The following GRIA1 variants were observed in gnomAD, a reference collection of about 807,000 sequenced individuals.
GRIA1 encodes glutamate receptor 1.
Under a neutral mutation model 99.2 loss-of-function variants are expected in GRIA1, and 31 were observed. The observed-to-expected ratio is 0.31, with a 90% CI of 0.23 to 0.42. The LOEUF (loss-of-function observed/expected upper bound fraction) is 0.42, where lower values mean the gene tolerates loss of function less well. Ranked by LOEUF, GRIA1 falls within the 10% of genes least tolerant of loss-of-function variation. The pLI, the probability that GRIA1 is intolerant of heterozygous loss-of-function variation, is 1.00. For missense variants in GRIA1, 782 were observed against 1,157.5 expected, an observed-to-expected ratio of 0.68 and a Z score of 4.71; for synonymous variants, 438 against 432.4, an observed-to-expected ratio of 1.01 and a Z score of -0.16.
intron 10 of GRIA1, among the ~76,000 whole-genome samples, chr5:153,703,148 G>T (rs1288687723): frequency 2.0e-5 from 3 of 152,130 alleles, no homozygotes; most frequent in African/African-American, 7.2e-5. Flanking sequence ...CTAGATATGA[G>T]TTTCTTATCT....
chr5:153,806,510 TG>T (rs1315480236), intron 15 of GRIA1, among the ~76,000 whole-genome samples: 1 of 152,194 alleles, frequency 6.6e-6, no homozygotes, highest in Non-Finnish European at 1.5e-5. Flanking sequence ...CGTGATCCAC[TG>T]CCTTGACTTC....
intron 2 of GRIA1, among the ~76,000 whole-genome samples, chr5:153,504,414 G>A (rs1434830381): frequency 6.7e-6 from 1 of 150,346 alleles, no homozygotes; most frequent in East Asian, 2.0e-4. Context: ...TGTATTTATT[G>A]TAAATAAATA....
intron 11 of GRIA1, among the ~76,000 whole-genome samples, chr5:153,727,174 C>A (rs566054073): frequency 0.012 from 1,866 of 152,202 alleles, 11 homozygotes; most frequent in Middle Eastern, 0.024. Flanking sequence ...AGGCCTTTGA[C>A]AAAATTCAAC....
At chr5:153,615,436 G>A (rs1043873057) in intron 2 of GRIA1, among the ~76,000 whole-genome samples, 6 of 152,186 alleles carry the variant, frequency 3.9e-5, no homozygotes, top group African/African-American at 1.4e-4. Context: ...GAGACCAGGA[G>A]TATGAGACCA....
intron 15 of GRIA1, among the ~76,000 whole-genome samples, chr5:153,808,649 A>G (rs1310649373): frequency 6.6e-6 from 1 of 152,188 alleles, no homozygotes. Context: ...TTTTTCCCCA[A>G]AACTCCCTGG....
At chr5:153,501,597 A>T (rs1581137103) in intron 2 of GRIA1, among the ~76,000 whole-genome samples, 2 of 152,344 alleles carry the variant, frequency 1.3e-5, no homozygotes, top group Admixed American at 1.3e-4. Flanking sequence ...CTGTTTTCTC[A>T]TCAGAAATCA....
At chr5:153,620,402 A>G (rs1766926203) in intron 2 of GRIA1, among the ~76,000 whole-genome samples, 1 of 152,178 alleles carries the variant, frequency 6.6e-6, no homozygotes, top group Admixed American at 6.5e-5. Context: ...TTGAGTGCAC[A>G]GGCAATGACA....
intron 2 of GRIA1, among the ~76,000 whole-genome samples, chr5:153,619,940 T>A (rs1766874951): frequency 6.6e-6 from 1 of 152,176 alleles, no homozygotes; most frequent in South Asian, 2.1e-4. Flanking sequence ...ACCGCTTCCC[T>A]GTAGATAAAT....
chr5:153,688,973 G>T (rs923437282), intron 8 of GRIA1, among the ~76,000 whole-genome samples: 1 of 151,978 alleles, frequency 6.6e-6, no homozygotes, highest in African/African-American at 2.4e-5. Context: ...ATTCACCTCC[G>T]CCTCCCAAAG....
rs1491415058 is a variant in GRIA1, at chr5:153,607,068, T to TATATATATATATATATATATATATATAA, written c.221-39859_221-39858insTATATATATATATATATATATATATAAA. Among the ~76,000 whole-genome samples the TATATATATATATATATATATATATATAA allele has an allele frequency of 4.4e-4, 62 of 140,426 alleles. 1 individual carries two copies. The highest frequency in any genetic ancestry group is 1.1e-3 in the South Asian group (5 of 4,362). 92.1% of individuals were successfully genotyped at this position (140,426 alleles called of 152,430 possible). ...ATATATATATATATATATATATATA[T>TATATATATATATATATATATATATATAA]AATCACAGTTTCTTTATCCACTCGT... On this transcript the variant is annotated intron_variant, in intron 2 of 15. Transcript: ENST00000285900.
intron 2 of GRIA1, among the ~76,000 whole-genome samples, chr5:153,554,167 A>T (rs1461315044): frequency 6.6e-6 from 1 of 152,238 alleles, no homozygotes; most frequent in African/African-American, 2.4e-5. Context: ...TGAAGCAGTC[A>T]GCCAGGTCTA....
intron 13 of GRIA1, among the ~76,000 whole-genome samples, chr5:153,786,357 G>A (rs1024932679): frequency 2.6e-5 from 4 of 151,844 alleles, no homozygotes; most frequent in African/African-American, 7.3e-5. Context: ...CTCCCTAAAG[G>A]TTTTCTAACT....
intron 2 of GRIA1, among the ~76,000 whole-genome samples, chr5:153,591,930 G>T (rs568074246): frequency 5.3e-5 from 8 of 152,318 alleles, no homozygotes; most frequent in African/African-American, 1.7e-4. Flanking sequence ...TGCTTTAACT[G>T]TACCCGGAAG....
In GRIA1 at chr5:153,650,464, C is replaced by T. The variant is rs1311929642; in HGVS notation, c.595C>T (p.Leu199=). The T allele has an allele frequency of 6.2e-7, 1 of 1,613,916 alleles. No homozygotes were observed. The change falls in exon 4 of 16, where the codon CTG becomes TTG. Residue 199 remains leucine, a synonymous_variant. Transcript: ENST00000285900. The part of the protein sequence containing the change: ...FQDLEKKKER[L]VVVDCESERL... ...GGACCTGGAGAAGAAAAAGGAGCGG[C>T]TGGTGGTGGTGGACTGTGAATCAGA...
chr5:153,649,521 G>A (rs747074693), intron 3 of GRIA1, among the ~76,000 whole-genome samples: 7 of 152,230 alleles, frequency 4.6e-5, no homozygotes, highest in South Asian at 2.1e-4. Flanking sequence ...GCAATGGCAC[G>A]ATGTGGGCTC....
At chr5:153,684,585 A>C (rs1757216232) in intron 7 of GRIA1, among the ~76,000 whole-genome samples, 1 of 152,198 alleles carries the variant, frequency 6.6e-6, no homozygotes, top group African/African-American at 2.4e-5. Context: ...CCATCTGCAC[A>C]TCTATCCAAG....
At chr5:153,718,058 A>G (rs1759790398) in intron 11 of GRIA1, among the ~76,000 whole-genome samples, 1 of 152,012 alleles carries the variant, frequency 6.6e-6, no homozygotes, top group Non-Finnish European at 1.5e-5. Context: ...GAAAGGAGTC[A>G]TCACTCCGAT....
At chr5:153,601,169 T>C (rs1164358794) in intron 2 of GRIA1, among the ~76,000 whole-genome samples, 2 of 152,198 alleles carry the variant, frequency 1.3e-5, no homozygotes, top group African/African-American at 4.8e-5. Context: ...CTTTAAGTAT[T>C]TTGCTTCCTA....
intron 2 of GRIA1, among the ~76,000 whole-genome samples, chr5:153,642,242 T>G (rs982556541): frequency 6.6e-6 from 1 of 152,088 alleles, no homozygotes; most frequent in African/African-American, 2.4e-5. Flanking sequence ...TCACAGACAT[T>G]AAGGACTCAA....
Sources: allele counts gnomAD v4.1 joint callset (sites outside exome capture counted in the v4.1 genomes callset), GRCh38; gene constraint gnomAD v4.1.1; transcripts MANE v1.5; gene names NCBI Gene and HGNC (gene_info 2026-07-23, HGNC 2026-07-21).